Variants in ZCCHC7 observed in about 807,000 individuals in gnomAD.
The protein encoded by ZCCHC7 is zinc finger CCHC-type containing 7.
Under a neutral mutation model 52.0 loss-of-function variants are expected in ZCCHC7, and 35 were observed. That is an observed-to-expected ratio of 0.67 (90% confidence interval 0.51 to 0.89). The LOEUF is 0.89. Among genes scored for constraint, ZCCHC7 ranks in the 40% least tolerant of loss-of-function variants. The probability of loss-of-function intolerance (pLI) is 0.00; values close to 1 mark genes in which losing one functional copy is unlikely to be tolerated. For synonymous variants in ZCCHC7, 217 were observed against 221.5 expected, an observed-to-expected ratio of 0.98 and a Z score of 0.18; for missense variants, 574 against 649.1, an observed-to-expected ratio of 0.88 and a Z score of 1.26.
Position 37,134,978 on chromosome 9 carries a change from C to T in ZCCHC7, c.610+8036C>T, listed in dbSNP as rs372656850. Among the ~76,000 whole-genome samples the T allele has an allele frequency of 5.9e-4, 90 of 152,234 alleles. 1 individual carries two copies. In the East Asian group the frequency reaches 0.016, roughly 26 times the overall value. ...CCGACCTCAGGTGATCCACCCACCT[C>T]GGCCTCCCAAAGTGCTAGGATTACA... On this transcript the variant is annotated intron_variant, in intron 2 of 8. Coordinates refer to ENST00000336755, the MANE Select transcript of ZCCHC7 (RefSeq NM_032226.3).
intron 2 of ZCCHC7, among the ~76,000 whole-genome samples, chr9:37,233,400 T>C (rs1222599129): frequency 1.3e-5 from 2 of 152,194 alleles, no homozygotes; most frequent in African/African-American, 4.8e-5. Context: ...CCTGTTGGGT[T>C]TTGGGTATAA....
At chr9:37,138,859 T>C (rs1353559975) in intron 2 of ZCCHC7, among the ~76,000 whole-genome samples, 1 of 151,896 alleles carries the variant, frequency 6.6e-6, no homozygotes, top group Non-Finnish European at 1.5e-5. Flanking sequence ...TTATTGCATA[T>C]AGTGATCACT....
intron 2 of ZCCHC7, among the ~76,000 whole-genome samples, chr9:37,217,011 T>A (rs192603583): frequency 6.6e-6 from 1 of 152,236 alleles, no homozygotes; most frequent in African/African-American, 2.4e-5. Flanking sequence ...TCACTTTTCT[T>A]TTTATTTAAA....
At chr9:37,180,234 A>G (rs1822275007) in intron 2 of ZCCHC7, among the ~76,000 whole-genome samples, 1 of 152,256 alleles carries the variant, frequency 6.6e-6, no homozygotes, top group African/African-American at 2.4e-5. Flanking sequence ...ACAGAATGCT[A>G]ATTGGTCTGT....
chr9:37,341,099 G>C (rs901134607), intron 6 of ZCCHC7, among the ~76,000 whole-genome samples: 1 of 152,040 alleles, frequency 6.6e-6, no homozygotes, highest in South Asian at 2.1e-4. Context: ...TCAAAATCTC[G>C]ATTAAGAAGG....
intron 2 of ZCCHC7, among the ~76,000 whole-genome samples, chr9:37,255,937 A>G (rs116863089): frequency 2.0e-5 from 3 of 152,296 alleles, no homozygotes; most frequent in Non-Finnish European, 2.9e-5. Flanking sequence ...GATTATCACT[A>G]TAACAGATTT....
intron 2 of ZCCHC7, among the ~76,000 whole-genome samples, chr9:37,155,370 G>T (rs977783277): frequency 2.7e-4 from 41 of 151,810 alleles, no homozygotes; most frequent in African/African-American, 9.6e-4. Context: ...AAAAAAAACG[G>T]CAATTAAGAT....
At chr9:37,286,113 G>A (rs1462615566) in intron 2 of ZCCHC7, among the ~76,000 whole-genome samples, 1 of 152,160 alleles carries the variant, frequency 6.6e-6, no homozygotes, top group Non-Finnish European at 1.5e-5. Flanking sequence ...TTGTTGAAAT[G>A]AGTACCAGTA....
intron 5 of ZCCHC7, 84 bp downstream of exon 5, chr9:37,305,798 A>G: frequency 1.4e-6 from 2 of 1,432,206 alleles, no homozygotes; most frequent in Non-Finnish European, 1.9e-6. Flanking sequence ...TATAACTATC[A>G]GTCAGCATAC....
intron 2 of ZCCHC7, among the ~76,000 whole-genome samples, chr9:37,275,892 C>T (rs1827662944): frequency 6.6e-6 from 1 of 152,166 alleles, no homozygotes; most frequent in African/African-American, 2.4e-5. Context: ...CTCAGGTGAT[C>T]CGCCTGCCTC....
At chr9:37,222,396 AGT>A (rs1824873516) in intron 2 of ZCCHC7, among the ~76,000 whole-genome samples, 1 of 149,664 alleles carries the variant, frequency 6.7e-6, no homozygotes, top group Non-Finnish European at 1.5e-5. Flanking sequence ...TATAAAGAAG[AGT>A]GTAGTACATT....
chr9:37,178,147 G>A (rs1822148673), intron 2 of ZCCHC7, among the ~76,000 whole-genome samples: 1 of 152,036 alleles, frequency 6.6e-6, no homozygotes, highest in Non-Finnish European at 1.5e-5. Context: ...CAGTAATGGT[G>A]CCTTGGTAAT....
intron 7 of ZCCHC7, among the ~76,000 whole-genome samples, chr9:37,352,145 T>G (rs746369498): frequency 6.6e-6 from 1 of 152,214 alleles, no homozygotes; most frequent in African/African-American, 2.4e-5. Flanking sequence ...ATTTGTAGTA[T>G]TATATAGCTC....
chr9:37,242,573 A>T lies in ZCCHC7; in HGVS notation c.611-59615A>T, dbSNP rs1037405954. On this transcript the variant is annotated intron_variant, in intron 2 of 8. Transcript: ENST00000336755. ...CCAAGTACTTATATCAGAAATTTGT[A>T]CTCTATGTAGATAGTGCTTTTGAAC... Among the ~76,000 whole-genome samples, 21 of 151,802 alleles carry T rather than the reference A, an allele frequency of 1.4e-4. No individual in the cohort carries two copies. The South Asian group carries it at 2.3e-3, about 16-fold the overall frequency.
chr9:37,160,351 A>C (rs533472472), intron 2 of ZCCHC7: 2 of 152,344 alleles, frequency 1.3e-5, no homozygotes, highest in South Asian at 4.1e-4. Context: ...CTCTACTAAA[A>C]ATAAAATAAA....
intron 2 of ZCCHC7, among the ~76,000 whole-genome samples, chr9:37,250,559 C>G (rs1433505774): frequency 6.6e-6 from 1 of 152,176 alleles, no homozygotes; most frequent in Non-Finnish European, 1.5e-5. Flanking sequence ...GCCTCTGCCT[C>G]CTGAAGTACT....
chr9:37,304,930 C>T (rs541318809), intron 4 of ZCCHC7, among the ~76,000 whole-genome samples: 12 of 152,104 alleles, frequency 7.9e-5, no homozygotes, highest in Non-Finnish European at 1.3e-4. Context: ...AAACCTTGTA[C>T]TTCATAAGAT....
chr9:37,184,687 TTTGTTGTTGTTGTTG>T lies in ZCCHC7; in HGVS notation c.610+57764_610+57778del, dbSNP rs56220914. On this transcript the variant is annotated intron_variant, in intron 2 of 8. Transcript: ENST00000336755. ...CCAAGTTTTAACCTCTGTCTGGTGATTTGTTGTTGTTGTTGTTGTTGTTGTTGTTGTTGAAGTTCA... is the reference window on the plus strand; with the variant it reads ...CCAAGTTTTAACCTCTGTCTGGTGATTTGTTGTTGTTGTTGTTGAAGTTCA... 2.0e-5 allele frequency among the ~76,000 whole-genome samples: 3 copies of T among 150,470 alleles called. No homozygotes were observed. In the South Asian group the frequency reaches 6.3e-4, roughly 32 times the overall value.
chr9:37,222,412 CAGGTG>C (rs1289656963), intron 2 of ZCCHC7, among the ~76,000 whole-genome samples: 5 of 144,998 alleles, frequency 3.4e-5, no homozygotes, highest in Non-Finnish European at 6.0e-5. Flanking sequence ...GTACATTATA[CAGGTG>C]AGATTTTTAA....
Sources: allele counts gnomAD v4.1 joint callset (sites outside exome capture counted in the v4.1 genomes callset), GRCh38; gene constraint gnomAD v4.1.1; transcripts MANE v1.5; gene names NCBI Gene and HGNC (gene_info 2026-07-23, HGNC 2026-07-21).